The following SYNE1 variants were observed in gnomAD, a reference collection of about 807,000 sequenced individuals.
SYNE1 encodes spectrin repeat containing nuclear envelope protein 1.
In SYNE1, 616 loss-of-function variants were observed where a neutral mutation model predicts 1,111.0. The observed-to-expected ratio is 0.55, with a 90% CI of 0.52 to 0.59. The LOEUF (loss-of-function observed/expected upper bound fraction) is 0.59, where lower values mean the gene tolerates loss of function less well. Ranked by LOEUF, SYNE1 falls within the 20% of genes least tolerant of loss-of-function variation. The pLI is 0.00. For missense variants in SYNE1, 10,006 were observed against 10,417.0 expected (o/e 0.96, Z 1.72); for synonymous variants, 3,855 against 3,825.8 (o/e 1.01, Z -0.28).
At chr6:152,200,398 A>G (rs2075164877) in intron 127 of SYNE1, among the ~76,000 whole-genome samples, 1 of 152,110 alleles carries the variant, frequency 6.6e-6, no homozygotes, top group African/African-American at 2.4e-5. Flanking sequence ...TTTCTTTAAT[A>G]ATTTTTAATG....
At chr6:152,398,353 A>T (rs565154543) in intron 49 of SYNE1, among the ~76,000 whole-genome samples, 2 of 152,334 alleles carry the variant, frequency 1.3e-5, no homozygotes, top group East Asian at 3.8e-4. Context: ...AAAAATTAAA[A>T]CTAGGTTTAG....
chr6:152,402,998 T>C (rs1351983840), intron 46 of SYNE1, among the ~76,000 whole-genome samples: 1 of 152,120 alleles, frequency 6.6e-6, no homozygotes, highest in Non-Finnish European at 1.5e-5. Flanking sequence ...ATGTATATCA[T>C]CCCTAATGGT....
In SYNE1 at chr6:152,409,657, T is replaced by C; in HGVS notation, c.6283A>G (p.Lys2095Glu). The C allele has an allele frequency of 6.2e-7, 1 of 1,613,936 alleles. No individual in the cohort carries two copies. Among genetic ancestry groups the C allele is most frequent in the Non-Finnish European group, 8.5e-7 (1 of 1,179,970 alleles). Residue 2095 changes from lysine to glutamate, a missense_variant, in exon 43 of 146, where the codon AAA (lysine) becomes GAA (glutamate). By Grantham distance (56) the Lys-to-Glu change is moderately conservative. Coordinates refer to ENST00000367255, the MANE Select transcript of SYNE1 (RefSeq NM_182961.4). ...TCTAAGACTTTAGATACAGCTGATTTCAGGTTCTGATATTCTCTCATTAAG... is the reference window on the plus strand; with the variant it reads ...TCTAAGACTTTAGATACAGCTGATTCCAGGTTCTGATATTCTCTCATTAAG... ...IDLMREYQNLKSAVSKVLENA... is the reference protein window; with the variant it reads ...IDLMREYQNLESAVSKVLENA...
At chr6:152,395,447 C>T (rs951592850) in intron 51 of SYNE1, 69 bp downstream of exon 51, 3 of 1,533,198 alleles carry the variant, frequency 2.0e-6, no homozygotes, top group Non-Finnish European at 1.8e-6. Context: ...CAAAACCAAA[C>T]CAACCAACCA....
At chr6:152,394,384 T>C (rs1375174177) in intron 51 of SYNE1, among the ~76,000 whole-genome samples, 1 of 152,010 alleles carries the variant, frequency 6.6e-6, no homozygotes, top group East Asian at 1.9e-4. Flanking sequence ...CTGCTTCTTA[T>C]GTAGATGCAC....
chr6:152,205,187 A>G (rs777778881), intron 126 of SYNE1, among the ~76,000 whole-genome samples: 5 of 152,108 alleles, frequency 3.3e-5, no homozygotes, highest in Non-Finnish European at 7.3e-5. Flanking sequence ...AACCTTAGTC[A>G]TTACCTTTGA....
intron 16 of SYNE1, among the ~76,000 whole-genome samples, chr6:152,466,775 G>A (rs6557227): frequency 0.52 from 78,950 of 151,892 alleles, 22,268 homozygotes; most frequent in East Asian, 0.76. Flanking sequence ...AATAATGTGC[G>A]TTTCAAAGAT....
At position 152,239,649 on chromosome 6, in the gene SYNE1, T is replaced by G. The variant is rs2085083083; in HGVS notation, c.19951A>C (p.Ile6651Leu). 1 of 1,614,134 alleles carries G rather than the reference T, an allele frequency of 6.2e-7. No individual in the cohort carries two copies. Among genetic ancestry groups the G allele is most frequent in the African/African-American group, 1.3e-5 (1 of 74,940 alleles). Residue 6651 changes from isoleucine (I) to leucine (L), a missense_variant, in exon 108 of 146, where the codon ATA becomes CTA. Ile to Leu is a conservative substitution (Grantham distance 5, BLOSUM62 2). This residue lies in a region of SYNE1 where 2,182 missense variants were observed against 2,287.8 expected (regional missense o/e 0.95). Transcript: ENST00000367255. ...MILTETLFRK[I>L]ISFAVQKETQ... ...TCCTTTTGGACTGCAAAGCTGATTATCTTTCTGAAGAGTGTTTCAGTCAAG... is the reference window on the plus strand; with the variant it reads ...TCCTTTTGGACTGCAAAGCTGATTAGCTTTCTGAAGAGTGTTTCAGTCAAG...
chr6:152,244,775 C>A, intron 105 of SYNE1, 119 bp from the exon 106 acceptor site: 1 of 1,309,778 alleles, frequency 7.6e-7, no homozygotes, highest in Non-Finnish European at 1.1e-6. Flanking sequence ...TCAATATATA[C>A]AAAAGGAATC....
intron 89 of SYNE1, 96 bp downstream of exon 89, chr6:152,310,300 T>A (rs1054553031): frequency 6.5e-7 from 1 of 1,528,548 alleles, no homozygotes; most frequent in Non-Finnish European, 8.9e-7. Context: ...TTAAAAAAAA[T>A]AAAACAGTGT....
At chr6:152,443,340 T>C (rs186728729) in intron 30 of SYNE1, among the ~76,000 whole-genome samples, 62 of 152,202 alleles carry the variant, frequency 4.1e-4, no homozygotes, top group African/African-American at 1.3e-3. Context: ...TCTCGGCTCA[T>C]TGCAAGCTCC....
rs376037085 is a variant in SYNE1 at position 152,509,251 on chromosome 6, T to G, written c.581+942A>C. 2.1e-3 allele frequency among the ~76,000 whole-genome samples: 263 copies of G among 125,610 alleles called. 1 individual carries two copies. Among genetic ancestry groups the G allele is most frequent in the Non-Finnish European group, 3.2e-3 (180 of 56,212 alleles). The allele number at this position is 125,610 out of a possible 152,430, so 82.4% of individuals were successfully genotyped here. On this transcript the variant is annotated intron_variant, in intron 8 of 145. Transcript: ENST00000367255. ...ACTCTTTTTCTTTTTTCTTTTTCTT[T>G]TTTTTTTTTTTTTTTTTGAGATGGA...
At chr6:152,167,218 T>C (rs1436917559) in intron 130 of SYNE1, among the ~76,000 whole-genome samples, 1 of 152,180 alleles carries the variant, frequency 6.6e-6, no homozygotes, top group Non-Finnish European at 1.5e-5. Context: ...TTCTTAACAC[T>C]GAAACACGTA....
chr6:152,251,746 G>C (rs543256679), intron 104 of SYNE1, among the ~76,000 whole-genome samples: 1 of 151,880 alleles, frequency 6.6e-6, no homozygotes, highest in African/African-American at 2.4e-5. Context: ...GTGACAGAGC[G>C]AGACTCCGTC....
At position 152,218,281 on chromosome 6, in the gene SYNE1, G is replaced by C. The variant is rs1454665576; in HGVS notation, c.22167C>G (p.Ile7389Met). 6.2e-7 allele frequency: 1 copy of C among 1,613,946 alleles called. No homozygotes were observed. The highest frequency in any genetic ancestry group is 8.5e-7 in the Non-Finnish European group (1 of 1,179,978). The change falls in exon 121 of 146, where the codon ATC becomes ATG. Residue 7389 changes from isoleucine (I) to methionine (M), a missense_variant. Coordinates refer to ENST00000367255, the MANE Select transcript of SYNE1 (RefSeq NM_182961.4). ...DPSHSSDLST[I>M]QERMEELKGQ... ...CCTTAAGTTCTTCCATCCTTTCCTGGATTGTGGAGAGGTCAGATGAGTGGC... is the reference window on the plus strand; with the variant it reads ...CCTTAAGTTCTTCCATCCTTTCCTGCATTGTGGAGAGGTCAGATGAGTGGC...
chr6:152,573,230 G>A (rs1467696627), intron 3 of SYNE1, among the ~76,000 whole-genome samples: 1 of 151,518 alleles, frequency 6.6e-6, no homozygotes, highest in South Asian at 2.1e-4. Context: ...TGTGCACAAC[G>A]TGCAGGTTTG....
At chr6:152,368,931 C>T (rs760811501) in intron 61 of SYNE1, 41 bp downstream of exon 61, 1 of 1,613,748 alleles carries the variant, frequency 6.2e-7, no homozygotes, top group Non-Finnish European at 8.5e-7. Context: ...AATTTTGCGA[C>T]ATCAGTATCA....
chr6:152,449,373 C>G (rs1241665190), intron 28 of SYNE1, among the ~76,000 whole-genome samples, 160 bp downstream of exon 28: 1 of 152,192 alleles, frequency 6.6e-6, no homozygotes, highest in Non-Finnish European at 1.5e-5. Flanking sequence ...GGAAAAAACT[C>G]TACATGCTCC....
At chr6:152,284,245 C>T in intron 95 of SYNE1, 73 bp from the exon 96 acceptor site, 1 of 1,485,606 alleles carries the variant, frequency 6.7e-7, no homozygotes, top group Non-Finnish European at 9.3e-7. Context: ...CTAGCTGAGT[C>T]TCACATCCAT....
Sources: gnomAD v4.1 joint callset for allele counts (sites outside exome capture counted in the v4.1 genomes callset) on GRCh38, gnomAD v4.1.1 for gene constraint, gnomAD v4.1.1 regional missense constraint, MANE v1.5 for transcripts, NCBI Gene and HGNC (gene_info 2026-07-23, HGNC 2026-07-21) for gene names.